MKLN1: variants seen among roughly 807,000 people sequenced by gnomAD.
MKLN1 encodes the protein muskelin 1.
In MKLN1, 18 loss-of-function variants were observed where a neutral mutation model predicts 99.0. The observed-to-expected ratio is 0.18, with a 90% CI of 0.13 to 0.27. The LOEUF (loss-of-function observed/expected upper bound fraction) is 0.27. MKLN1 is among the 10% of genes least tolerant of loss of function. MKLN1 has a pLI of 1.00. For missense variants in MKLN1, 621 were observed against 875.9 expected (o/e 0.71, Z 3.67); for synonymous variants, 288 against 293.2 (o/e 0.98, Z 0.18).
At position 131,113,982 on chromosome 7, in the gene MKLN1, G is replaced by C. The variant is rs183735329; in HGVS notation, c.-419+3775G>C. Among the ~76,000 whole-genome samples, 3 of 152,300 alleles carry C rather than the reference G, an allele frequency of 2.0e-5. No homozygotes were observed. In the East Asian group the frequency reaches 5.8e-4, roughly 29 times the overall value. On this transcript the variant is annotated intron_variant, in intron 1 of 7. Coordinates refer to the MKLN1 transcript ENST00000416992. Reference sequence around the variant, plus strand: ...CCCATGATCCAGTCACCTCCCACCAGGTCCCTCCCTCAGCACGTGGGGCTA... The same window carrying C: ...CCCATGATCCAGTCACCTCCCACCACGTCCCTCCCTCAGCACGTGGGGCTA...
intron 3 of MKLN1, among the ~76,000 whole-genome samples, chr7:131,254,264 G>A (rs572405867): frequency 6.6e-6 from 1 of 152,122 alleles, no homozygotes; most frequent in Non-Finnish European, 1.5e-5. Context: ...AAATAAACTA[G>A]CCACATCACT....
At chr7:131,145,019 C>G (rs1449963654) in intron 2 of MKLN1, among the ~76,000 whole-genome samples, 1 of 152,044 alleles carries the variant, frequency 6.6e-6, no homozygotes, top group Non-Finnish European at 1.5e-5. Flanking sequence ...ACAACAACAA[C>G]AAAGAGGCTG....
chr7:131,237,879 G>T (rs1385684262), intron 3 of MKLN1, among the ~76,000 whole-genome samples: 2 of 152,174 alleles, frequency 1.3e-5, no homozygotes, highest in Non-Finnish European at 2.9e-5. Context: ...GGGTGTGGTA[G>T]CTCAGATCTA....
At chr7:131,472,771 A>C (rs1796856752) in intron 16 of MKLN1, among the ~76,000 whole-genome samples, 1 of 152,182 alleles carries the variant, frequency 6.6e-6, no homozygotes, top group African/African-American at 2.4e-5. Flanking sequence ...TAATGCGATG[A>C]AACCCCGTCT....
At chr7:131,317,038 G>A (rs892937855) in intron 3 of MKLN1, among the ~76,000 whole-genome samples, 8 of 152,102 alleles carry the variant, frequency 5.3e-5, no homozygotes, top group Admixed American at 2.0e-4. Context: ...CACACTTCAG[G>A]ATATTATCCA....
chr7:131,328,254 A>C lies in MKLN1; in HGVS notation c.98+257A>C, dbSNP rs1175478016. ...TCCGGGGCGCGCACAGGAGAACCGG[A>C]AGCCCAGCGGTTCTGCGCTTGGGAT... On this transcript the variant is annotated intron_variant, in intron 1 of 17. Transcript: ENST00000352689. The C allele has an allele frequency of 2.9e-5, 14 of 484,416 alleles. No homozygotes were observed. The East Asian group carries it at 5.0e-4, about 17-fold the overall frequency. 30.0% of individuals were successfully genotyped at this position (484,416 alleles called of 1,614,324 possible). A position where few individuals can be genotyped will look rare whatever the true frequency, so the allele number is the denominator to read the frequency against.
intron 3 of MKLN1, among the ~76,000 whole-genome samples, chr7:131,217,861 G>A (rs890426668): frequency 2.0e-5 from 3 of 152,142 alleles, no homozygotes; most frequent in African/African-American, 2.4e-5. Context: ...TCGCCCAACC[G>A]GGTTCTTCTT....
intron 17 of MKLN1, 195 bp downstream of exon 17, chr7:131,478,872 G>A (rs1319992992): frequency 1.5e-6 from 1 of 655,116 alleles, no homozygotes; most frequent in African/African-American, 1.8e-5. Flanking sequence ...AGTTCAGTTT[G>A]CAATGACTAT....
At chr7:131,272,355 C>T (rs1797898879) in intron 3 of MKLN1, among the ~76,000 whole-genome samples, 1 of 152,210 alleles carries the variant, frequency 6.6e-6, no homozygotes, top group South Asian at 2.1e-4. Flanking sequence ...TTCTAACATA[C>T]AGTACATGCT....
chr7:131,332,572 C>G (rs560436196), intron 1 of MKLN1, among the ~76,000 whole-genome samples: 5 of 150,516 alleles, frequency 3.3e-5, no homozygotes, highest in African/African-American at 4.9e-5. Context: ...TTTAAATTAC[C>G]CTTGATATCA....
chr7:131,344,380 A>C (rs1045324763), intron 1 of MKLN1, among the ~76,000 whole-genome samples: 4 of 152,060 alleles, frequency 2.6e-5, no homozygotes, highest in African/African-American at 4.8e-5. Flanking sequence ...TAAAGTGAGG[A>C]GCTATCAAAG....
At chr7:131,407,992 T>G (rs1359017963) in intron 6 of MKLN1, among the ~76,000 whole-genome samples, 1 of 152,172 alleles carries the variant, frequency 6.6e-6, no homozygotes, top group Non-Finnish European at 1.5e-5. Context: ...AACATACATC[T>G]GAGAGCTTGA....
Position 131,373,705 on chromosome 7 carries a change from C to T in MKLN1, c.99-1719C>T, listed in dbSNP as rs193026718. ...GCATAGTTACTATATATGTTCTTTA[C>T]GCAGTTTTCCCTTGTTGCTGACATC... On this transcript the variant is annotated intron_variant, in intron 1 of 17. Transcript: ENST00000352689. Among the ~76,000 whole-genome samples the T allele has an allele frequency of 1.7e-4, 26 of 152,216 alleles. 1 individual carries two copies. Among genetic ancestry groups the T allele is most frequent in the Admixed American group, 1.4e-3 (21 of 15,284 alleles).
chr7:131,221,595 G>A (rs897684950), intron 3 of MKLN1, among the ~76,000 whole-genome samples: 3 of 148,544 alleles, frequency 2.0e-5, no homozygotes, highest in African/African-American at 5.0e-5. Context: ...TGCAACCTCC[G>A]TCTTCTGGTT....
intron 1 of MKLN1, among the ~76,000 whole-genome samples, chr7:131,117,291 G>A (rs1563220367): frequency 6.6e-6 from 1 of 152,002 alleles, no homozygotes; most frequent in Admixed American, 6.6e-5. Context: ...TTAGCTGGGC[G>A]TGGTGGTGCA....
intron 1 of MKLN1, among the ~76,000 whole-genome samples, chr7:131,350,683 A>T (rs1490740685): frequency 1.3e-5 from 2 of 152,260 alleles, no homozygotes; most frequent in Non-Finnish European, 2.9e-5. Context: ...AACAAGGGAA[A>T]GTCTGCTAGT....
At chr7:131,346,276 A>G (rs950743191) in intron 1 of MKLN1, among the ~76,000 whole-genome samples, 6 of 152,204 alleles carry the variant, frequency 3.9e-5, no homozygotes, top group African/African-American at 1.4e-4. Context: ...TAATCCCAGC[A>G]CTTTGGGAGG....
At chr7:131,168,030 T>A (rs1445291873) in intron 2 of MKLN1, among the ~76,000 whole-genome samples, 1 of 152,266 alleles carries the variant, frequency 6.6e-6, no homozygotes, top group Non-Finnish European at 1.5e-5. Context: ...ATGGAATTAT[T>A]GGTGACTTAT....
chr7:131,286,967 G>A (rs150024053), intron 3 of MKLN1, among the ~76,000 whole-genome samples: 18 of 152,310 alleles, frequency 1.2e-4, no homozygotes, highest in African/African-American at 4.1e-4. Context: ...GCTGGAAGTA[G>A]TGGTGCACAC....
Sources: gnomAD v4.1 joint callset for allele counts (sites outside exome capture counted in the v4.1 genomes callset) on GRCh38, gnomAD v4.1.1 for gene constraint, MANE v1.5 for transcripts, NCBI Gene and HGNC (gene_info 2026-07-23, HGNC 2026-07-21) for gene names.